The following FNBP1 variants were observed in gnomAD, a reference collection of about 807,000 sequenced individuals.
The protein encoded by FNBP1 is formin-binding protein 1.
In FNBP1, 26 loss-of-function variants were observed where a neutral mutation model predicts 90.6. That is an observed-to-expected ratio of 0.29 (90% CI 0.21 to 0.40). The LOEUF (loss-of-function observed/expected upper bound fraction) is 0.40. Among genes scored for constraint, FNBP1 ranks in the 10% least tolerant of loss-of-function variants. The pLI is 1.00. For missense variants in FNBP1, 635 were observed against 768.0 expected, an observed-to-expected ratio of 0.83 and a Z score of 2.05; for synonymous variants, 260 against 265.2, an observed-to-expected ratio of 0.98 and a Z score of 0.19.
intron 1 of FNBP1, among the ~76,000 whole-genome samples, chr9:130,023,468 C>T (rs117696636): frequency 0.01 from 1,560 of 152,242 alleles, 13 homozygotes; most frequent in Non-Finnish European, 0.016. Flanking sequence ...GAGACTTCCC[C>T]GGCCAAGGGC....
intron 11 of FNBP1, among the ~76,000 whole-genome samples, chr9:129,911,906 T>G (rs746521794): frequency 2.3e-5 from 3 of 132,750 alleles, no homozygotes; most frequent in Non-Finnish European, 4.7e-5. Flanking sequence ...CACTCCAGCC[T>G]GGGCGACGGG....
intron 10 of FNBP1, among the ~76,000 whole-genome samples, chr9:129,918,715 G>C (rs1323859777): frequency 6.6e-6 from 1 of 152,110 alleles, no homozygotes; most frequent in African/African-American, 2.4e-5. Context: ...ATGGGTGACT[G>C]AGCTACACTG....
chr9:130,015,166 A>G (rs1364535680), intron 1 of FNBP1, among the ~76,000 whole-genome samples: 2 of 152,144 alleles, frequency 1.3e-5, no homozygotes, highest in African/African-American at 2.4e-5. Context: ...CATTCTTCCA[A>G]CAAATATTTT....
intron 6 of FNBP1, among the ~76,000 whole-genome samples, chr9:129,939,081 G>A (rs967833903): frequency 1.6e-4 from 25 of 152,100 alleles, no homozygotes; most frequent in African/African-American, 5.8e-4. Context: ...AGATTCAAGC[G>A]ATTCTCCTGT....
chr9:129,995,270 T>G (rs2053803316), intron 1 of FNBP1, among the ~76,000 whole-genome samples: 1 of 152,084 alleles, frequency 6.6e-6, no homozygotes, highest in South Asian at 2.1e-4. Context: ...AACCGACAGG[T>G]GAAACATACA....
At chr9:129,969,190 T>G (rs1449565400) in intron 4 of FNBP1, among the ~76,000 whole-genome samples, 3 of 152,236 alleles carry the variant, frequency 2.0e-5, no homozygotes. Flanking sequence ...ACACCCATGT[T>G]GATCATTTCA....
intron 6 of FNBP1, among the ~76,000 whole-genome samples, chr9:129,956,440 C>T (rs2046953726): frequency 6.6e-6 from 1 of 152,108 alleles, no homozygotes; most frequent in South Asian, 2.1e-4. Flanking sequence ...ATTTTGTTTA[C>T]ATTGTATTGA....
rs1349575678 is a variant in FNBP1 at position 129,955,927 on chromosome 9, C to T, written c.513+1433G>A. On this transcript the variant is annotated intron_variant, in intron 6 of 16. Coordinates refer to ENST00000446176, the MANE Select transcript of FNBP1 (RefSeq NM_015033.3). ...ATAAAATATCTTTTGAAACTTTGGG[C>T]TAATCTAACTTATTTTAATTGAATA... is the stretch of plus-strand genomic sequence containing the variant. 3.3e-5 allele frequency among the ~76,000 whole-genome samples: 5 copies of T among 151,436 alleles called. No homozygotes were observed. In the South Asian group the frequency reaches 6.3e-4, roughly 19 times the overall value.
At chr9:129,938,624 T>C (rs2043863947) in intron 6 of FNBP1, among the ~76,000 whole-genome samples, 1 of 150,698 alleles carries the variant, frequency 6.6e-6, no homozygotes, top group Admixed American at 6.7e-5. Flanking sequence ...AAGGAGAGAA[T>C]GCAGAAAGAT....
intron 16 of FNBP1, among the ~76,000 whole-genome samples, chr9:129,895,050 A>G (rs1424451009): frequency 6.6e-6 from 1 of 152,092 alleles, no homozygotes; most frequent in Non-Finnish European, 1.5e-5. Flanking sequence ...CTCTGTCTCA[A>G]AACAACAACA....
intron 2 of FNBP1, among the ~76,000 whole-genome samples, chr9:129,984,694 A>G (rs896786284): frequency 6.7e-6 from 1 of 149,012 alleles, no homozygotes; most frequent in South Asian, 2.3e-4. Context: ...GAATTCCCAC[A>G]TGCAGTGGAA....
At chr9:130,027,813 C>G (rs1411858553) in intron 1 of FNBP1, among the ~76,000 whole-genome samples, 1 of 152,086 alleles carries the variant, frequency 6.6e-6, no homozygotes, top group African/African-American at 2.4e-5. Flanking sequence ...CCGTATGTCT[C>G]TCTATGTGTG....
At chr9:129,980,512 T>A (rs1227127296) in intron 2 of FNBP1, among the ~76,000 whole-genome samples, 1 of 152,098 alleles carries the variant, frequency 6.6e-6, no homozygotes, top group Non-Finnish European at 1.5e-5. Context: ...GACATTTAAC[T>A]AGAAAAACTT....
At chr9:130,012,650 T>A (rs113978085) in intron 1 of FNBP1, among the ~76,000 whole-genome samples, 3,660 of 152,266 alleles carry the variant, frequency 0.024, 156 homozygotes, top group African/African-American at 0.082. Context: ...TTGTTTTGTT[T>A]TTTAATTGAG....
Position 129,994,929 on chromosome 9 carries a change from T to C in FNBP1, c.54A>G (p.Thr18=). 6.2e-7 allele frequency: 1 copy of C among 1,603,254 alleles called. No individual in the cohort carries two copies. Among genetic ancestry groups the C allele is most frequent in the Non-Finnish European group, 8.5e-7 (1 of 1,172,160 alleles). ...TCTCAAGAATATCAATTCCCCACTG[T>C]GTGTGTTTTTCTAAGTTGTCAAACT... ...WDQFDNLEKH[T]QWGIDILEKY... Residue 18 remains threonine (T), a synonymous_variant, in exon 2 of 17, where the codon ACA becomes ACG. Coordinates refer to ENST00000446176, the MANE Select transcript of FNBP1 (RefSeq NM_015033.3).
chr9:129,932,165 C>T (rs2042859542), intron 6 of FNBP1, among the ~76,000 whole-genome samples: 1 of 148,634 alleles, frequency 6.7e-6, no homozygotes, highest in African/African-American at 2.5e-5. Context: ...GAGCCGAGAT[C>T]GCACCACTGC....
chr9:129,914,085 GGC>G (rs2039835092), intron 11 of FNBP1, among the ~76,000 whole-genome samples: 1 of 151,502 alleles, frequency 6.6e-6, no homozygotes, highest in South Asian at 2.1e-4. Context: ...AGAACTCCTG[GGC>G]GCAAATGATC....
intron 13 of FNBP1, among the ~76,000 whole-genome samples, chr9:129,901,649 C>T (rs192053956): frequency 2.5e-4 from 38 of 152,108 alleles, no homozygotes; most frequent in African/African-American, 8.7e-4. Context: ...TGGTGGCTCA[C>T]GCCTGTAATC....
chr9:129,934,384 A>G (rs748948261), intron 6 of FNBP1, among the ~76,000 whole-genome samples: 5 of 152,178 alleles, frequency 3.3e-5, no homozygotes, highest in Non-Finnish European at 5.9e-5. Flanking sequence ...ATGTTCTAAA[A>G]AGTCCAGAAT....
Sources: gnomAD v4.1 joint callset for allele counts (sites outside exome capture counted in the v4.1 genomes callset) on GRCh38, gnomAD v4.1.1 for gene constraint, MANE v1.5 for transcripts, NCBI Gene and HGNC (gene_info 2026-07-23, HGNC 2026-07-21) for gene names.